ESR1: variants seen among roughly 807,000 people sequenced by gnomAD.
ESR1 encodes the protein estrogen receptor.
In ESR1, 12 loss-of-function variants were observed where a neutral mutation model predicts 52.7. The ratio of observed to expected loss-of-function variants is 0.23; its 90% CI spans 0.15 to 0.37. ESR1 has a LOEUF of 0.37. ESR1 is among the 10% of genes least tolerant of loss of function. The pLI, the probability that ESR1 is intolerant of heterozygous loss-of-function variation, is 1.00. For missense variants in ESR1, 584 were observed against 779.7 expected (o/e 0.75, Z 2.99); for synonymous variants, 305 against 316.8 (o/e 0.96, Z 0.39).
At chr6:152,029,429 T>G (rs1021673651) in intron 5 of ESR1, among the ~76,000 whole-genome samples, 3 of 152,066 alleles carry the variant, frequency 2.0e-5, no homozygotes, top group African/African-American at 7.2e-5. Context: ...GAATAACCAA[T>G]GCACAGAAGT....
intron 2 of ESR1, among the ~76,000 whole-genome samples, chr6:151,724,025 G>T (rs1026903196): frequency 2.0e-5 from 3 of 152,114 alleles, no homozygotes; most frequent in Non-Finnish European, 4.4e-5. Flanking sequence ...AATTCTAGAA[G>T]GTAGAAGGCT....
intron 5 of ESR1, among the ~76,000 whole-genome samples, chr6:152,056,535 A>G (rs1403805474): frequency 6.6e-6 from 1 of 152,208 alleles, no homozygotes; most frequent in Non-Finnish European, 1.5e-5. Flanking sequence ...TTTATTTTAC[A>G]TGTGGAGGAA....
At chr6:152,118,182 T>A (rs987596688) in intron 6 of ESR1, 3 of 152,174 alleles carry the variant, frequency 2.0e-5, no homozygotes, top group African/African-American at 7.2e-5. Context: ...ACAGCTTTAA[T>A]CTCCCTTTCC....
chr6:151,972,023 A>G (rs1360329941), intron 4 of ESR1, among the ~76,000 whole-genome samples: 5 of 152,150 alleles, frequency 3.3e-5, no homozygotes, highest in South Asian at 4.1e-4. Context: ...TACTATGAAC[A>G]TCTTTACACA....
chr6:151,738,564 T>C (rs985997426), intron 2 of ESR1, among the ~76,000 whole-genome samples: 8 of 152,212 alleles, frequency 5.3e-5, no homozygotes, highest in Non-Finnish European at 1.0e-4. Context: ...TAGCCCATCC[T>C]AATAGGCATG....
chr6:151,825,692 A>G (rs1288318446), intron 1 of ESR1, among the ~76,000 whole-genome samples: 3 of 152,086 alleles, frequency 2.0e-5, no homozygotes, highest in East Asian at 1.9e-4. Flanking sequence ...CAGGTGGACC[A>G]CCTGAGGTCA....
At chr6:152,046,336 G>A (rs373850724) in intron 5 of ESR1, among the ~76,000 whole-genome samples, 22 of 152,204 alleles carry the variant, frequency 1.4e-4, no homozygotes, top group African/African-American at 4.1e-4. Flanking sequence ...CTGGTCCAGC[G>A]CCTGTTACTA....
intron 2 of ESR1, among the ~76,000 whole-genome samples, chr6:151,783,479 G>A (rs149368644): frequency 1.5e-3 from 233 of 152,272 alleles, no homozygotes; most frequent in African/African-American, 5.5e-3. Flanking sequence ...TTTCATAGTA[G>A]TCTAATACAG....
chr6:151,932,930 G>A (rs1271814623), intron 3 of ESR1, among the ~76,000 whole-genome samples: 4 of 150,640 alleles, frequency 2.7e-5, no homozygotes, highest in Admixed American at 6.6e-5. Flanking sequence ...TTGACTTGGC[G>A]ATGTGGGCTC....
chr6:152,020,049 C>T (rs2043497611), intron 5 of ESR1, among the ~76,000 whole-genome samples: 1 of 152,186 alleles, frequency 6.6e-6, no homozygotes, highest in Non-Finnish European at 1.5e-5. Context: ...AAAAGCAGGG[C>T]ATTCTAAGCA....
At chr6:152,087,068 A>T (rs2049782536) in intron 6 of ESR1, among the ~76,000 whole-genome samples, 2 of 152,150 alleles carry the variant, frequency 1.3e-5, no homozygotes, top group Admixed American at 6.6e-5. Context: ...TTTAATGTTG[A>T]GGGCTTTATC....
chr6:151,813,360 G>A (rs1209577437), intron 1 of ESR1: 1 of 152,122 alleles, frequency 6.6e-6, no homozygotes, highest in Non-Finnish European at 1.5e-5. Flanking sequence ...TGTAAGTGAT[G>A]TGGTGGTGGT....
intron 4 of ESR1, among the ~76,000 whole-genome samples, chr6:151,987,372 C>T (rs906442889): frequency 6.6e-6 from 1 of 152,126 alleles, no homozygotes; most frequent in Non-Finnish European, 1.5e-5. Context: ...GATTCTCCTG[C>T]CTCAGCCTCC....
intron 6 of ESR1, among the ~76,000 whole-genome samples, chr6:152,093,367 T>C (rs1480280622): frequency 1.4e-5 from 2 of 143,466 alleles, no homozygotes; most frequent in African/African-American, 5.2e-5. Context: ...TCTCTCTCTC[T>C]CTCACCCCCC....
chr6:151,796,530 A>G (rs1309335221), intron 2 of ESR1, among the ~76,000 whole-genome samples: 3 of 152,200 alleles, frequency 2.0e-5, no homozygotes, highest in Non-Finnish European at 2.9e-5. Context: ...ATAAAATACA[A>G]TTTTAAAATG....
At chr6:151,829,559 A>G (rs1782051798) in intron 1 of ESR1, among the ~76,000 whole-genome samples, 2 of 152,250 alleles carry the variant, frequency 1.3e-5, no homozygotes, top group Admixed American at 1.3e-4. Flanking sequence ...CAGGGCTACC[A>G]CCCCTTCCCA....
At chr6:151,826,340 A>G (rs1348378568) in intron 1 of ESR1, among the ~76,000 whole-genome samples, 4 of 152,208 alleles carry the variant, frequency 2.6e-5, no homozygotes, top group African/African-American at 7.2e-5. Context: ...CCTTATATTC[A>G]GAGATTTTAG....
intron 4 of ESR1, among the ~76,000 whole-genome samples, chr6:151,994,632 C>T (rs2041316005): frequency 6.6e-6 from 1 of 152,098 alleles, no homozygotes; most frequent in Admixed American, 6.6e-5. Flanking sequence ...GGGCAGTGTC[C>T]AAAATGAGTC....
At chr6:152,016,975 T>G (rs1444431112) in intron 5 of ESR1, among the ~76,000 whole-genome samples, 2 of 152,154 alleles carry the variant, frequency 1.3e-5, no homozygotes, top group Non-Finnish European at 2.9e-5. Context: ...TCATCTTCAA[T>G]TGATTGTAAT....
Sources: gnomAD v4.1 joint callset for allele counts (sites outside exome capture counted in the v4.1 genomes callset) on GRCh38, gnomAD v4.1.1 for gene constraint, MANE v1.5 for transcripts, NCBI Gene and HGNC (gene_info 2026-07-23, HGNC 2026-07-21) for gene names.